Variants in GRB10 observed in about 807,000 individuals in gnomAD.
GRB10 encodes the protein growth factor receptor-bound protein 10.
In GRB10, 20 loss-of-function variants were observed where a neutral mutation model predicts 80.9. That is an observed-to-expected ratio of 0.25 (90% CI 0.17 to 0.36). GRB10 has a LOEUF of 0.36. Among genes scored for constraint, GRB10 ranks in the 10% least tolerant of loss-of-function variants. GRB10 has a pLI of 1.00. For missense variants in GRB10, 548 were observed against 747.7 expected (o/e 0.73, Z 3.12); for synonymous variants, 291 against 291.5 (o/e 1.00, Z 0.02).
intron 4 of GRB10, among the ~76,000 whole-genome samples, chr7:50,729,823 G>A (rs978679900): frequency 2.7e-5 from 4 of 150,470 alleles, no homozygotes; most frequent in African/African-American, 9.8e-5. Context: ...TCACTTGCCA[G>A]TTGTTCCATG....
At chr7:50,772,160 C>T (rs1245908918) in intron 2 of GRB10, among the ~76,000 whole-genome samples, 1 of 152,144 alleles carries the variant, frequency 6.6e-6, no homozygotes, top group Non-Finnish European at 1.5e-5. Flanking sequence ...GTTGTGAGAA[C>T]CTTGGTATAA....
rs112595221 is a variant in GRB10, at chr7:50,765,595, A to T, written c.-216-9539T>A. Among the ~76,000 whole-genome samples, 6 of 152,302 alleles carry T rather than the reference A, an allele frequency of 3.9e-5. 1 individual carries two copies. The highest frequency in any genetic ancestry group is 1.4e-4 in the African/African-American group (6 of 41,574). On this transcript the variant is annotated intron_variant, in intron 2 of 18. Coordinates refer to ENST00000401949, the MANE Select transcript of GRB10 (RefSeq NM_001350814.2). ...ATGTGCAAGCTATGAAGTGGATCTC[A>T]TGAAGACAGAGAGTAGATTGGTGGT... is the stretch of plus-strand genomic sequence containing the variant.
chr7:50,715,750 C>A (rs2066752268), intron 4 of GRB10, among the ~76,000 whole-genome samples: 1 of 152,200 alleles, frequency 6.6e-6, no homozygotes, highest in East Asian at 1.9e-4. Flanking sequence ...AAAATAATAT[C>A]ATGGGTGACT....
At position 50,738,790 on chromosome 7, in the gene GRB10, A is replaced by C. The variant is rs190921908; in HGVS notation, c.-46-6422T>G. Reference sequence around the variant, plus strand: ...AGCTTTCTGTCTATAATAACTAAAGACTTTCTCATTAACCGTTGTCAGATG... The same window carrying C: ...AGCTTTCTGTCTATAATAACTAAAGCCTTTCTCATTAACCGTTGTCAGATG... On this transcript the variant is annotated intron_variant, in intron 3 of 18. Transcript: ENST00000401949. Among the ~76,000 whole-genome samples the C allele has an allele frequency of 7.4e-5, 11 of 149,348 alleles. No individual in the cohort carries two copies. The East Asian group carries it at 1.9e-3, about 26-fold the overall frequency.
intron 10 of GRB10, among the ~76,000 whole-genome samples, chr7:50,616,805 C>T (rs1439385759): frequency 6.6e-6 from 1 of 152,204 alleles, no homozygotes; most frequent in Non-Finnish European, 1.5e-5. Context: ...GGTGATGTCC[C>T]CCTGTTCCAG....
intron 7 of GRB10, among the ~76,000 whole-genome samples, chr7:50,666,242 C>T (rs950543741): frequency 2.6e-5 from 4 of 152,212 alleles, no homozygotes; most frequent in African/African-American, 4.8e-5. Context: ...GCTAAGCTCA[C>T]GAGAGCAGGG....
chr7:50,666,987 C>A (rs1313224139), intron 7 of GRB10, among the ~76,000 whole-genome samples: 1 of 147,934 alleles, frequency 6.8e-6, no homozygotes, highest in Non-Finnish European at 1.5e-5. Context: ...TTGCAGTGAG[C>A]CGAGATTGCG....
At chr7:50,708,415 AAGTT>A (rs1386507882) in intron 4 of GRB10, among the ~76,000 whole-genome samples, 8 of 152,318 alleles carry the variant, frequency 5.3e-5, no homozygotes, top group Middle Eastern at 3.4e-3. Context: ...AGCAGGGAAA[AAGTT>A]AGCCACTGTG....
intron 11 of GRB10, among the ~76,000 whole-genome samples, chr7:50,615,449 T>C (rs2050427591): frequency 6.6e-6 from 1 of 152,366 alleles, no homozygotes; most frequent in East Asian, 1.9e-4. Context: ...AGCCCCTCTC[T>C]GCAGACGCCC....
At chr7:50,607,833 C>T (rs2048806686) in intron 13 of GRB10, among the ~76,000 whole-genome samples, 1 of 152,172 alleles carries the variant, frequency 6.6e-6, no homozygotes, top group African/African-American at 2.4e-5. Context: ...TCCAGCATCC[C>T]AACCTACACA....
At chr7:50,627,937 C>T (rs746943323) in intron 7 of GRB10, among the ~76,000 whole-genome samples, 9 of 152,188 alleles carry the variant, frequency 5.9e-5, no homozygotes, top group Non-Finnish European at 8.8e-5. Context: ...CCCACCCACC[C>T]GCTGGGCTCC....
chr7:50,650,043 A>C (rs1445727744), intron 7 of GRB10, among the ~76,000 whole-genome samples: 1 of 152,170 alleles, frequency 6.6e-6, no homozygotes, highest in Non-Finnish European at 1.5e-5. Flanking sequence ...AGAGAAGACC[A>C]CTAGAGTGGG....
At chr7:50,639,215 A>G (rs1484336148) in intron 7 of GRB10, among the ~76,000 whole-genome samples, 1 of 152,236 alleles carries the variant, frequency 6.6e-6, no homozygotes, top group Admixed American at 6.5e-5. Context: ...CATGTAGCAA[A>G]CCTGCACATA....
intron 2 of GRB10, among the ~76,000 whole-genome samples, chr7:50,773,414 G>A (rs1447656537): frequency 1.3e-5 from 1 of 78,524 alleles, no homozygotes; most frequent in African/African-American, 3.4e-5. Flanking sequence ...GAAGGGGAAG[G>A]GGACGGGGAA....
intron 5 of GRB10, among the ~76,000 whole-genome samples, chr7:50,687,485 T>C (rs1232396167): frequency 2.6e-5 from 4 of 152,218 alleles, no homozygotes; most frequent in African/African-American, 9.6e-5. Flanking sequence ...ACGTCTGCCC[T>C]GGGCTTTTCT....
chr7:50,644,150 A>G (rs1466385458), intron 7 of GRB10, among the ~76,000 whole-genome samples: 2 of 152,158 alleles, frequency 1.3e-5, no homozygotes, highest in African/African-American at 4.8e-5. Flanking sequence ...CCGGATATTT[A>G]TGTCCAAAAC....
chr7:50,642,202 A>T (rs139528540), intron 7 of GRB10, among the ~76,000 whole-genome samples: 32 of 152,208 alleles, frequency 2.1e-4, no homozygotes, highest in African/African-American at 7.7e-4. Flanking sequence ...CAGCCAGGAG[A>T]GGCAGGACAA....
intron 3 of GRB10, among the ~76,000 whole-genome samples, chr7:50,748,040 G>A (rs924860659): frequency 2.0e-5 from 3 of 152,180 alleles, no homozygotes; most frequent in East Asian, 1.9e-4. Flanking sequence ...GGACGCATGC[G>A]TGCAGGTGGG....
At chr7:50,651,966 C>T (rs1034713308) in intron 7 of GRB10, among the ~76,000 whole-genome samples, 10 of 152,250 alleles carry the variant, frequency 6.6e-5, no homozygotes, top group Non-Finnish European at 1.3e-4. Context: ...CACTGGACGC[C>T]CAGCCACACA....
Sources: allele counts gnomAD v4.1 joint callset (sites outside exome capture counted in the v4.1 genomes callset), GRCh38; gene constraint gnomAD v4.1.1; transcripts MANE v1.5; gene names NCBI Gene and HGNC (gene_info 2026-07-23, HGNC 2026-07-21).